PRIM2: variants seen among roughly 807,000 people sequenced by gnomAD.
PRIM2 encodes the protein DNA primase subunit 2.
Under a neutral mutation model 67.3 loss-of-function variants are expected in PRIM2, and 39 were observed. The ratio of observed to expected loss-of-function variants is 0.58; its 90% CI spans 0.45 to 0.76. The LOEUF is 0.76. Among genes scored for constraint, PRIM2 ranks in the 30% least tolerant of loss-of-function variants. PRIM2 has a pLI of 0.00. For missense variants in PRIM2, 398 were observed against 598.7 expected (o/e 0.66, Z 3.50); for synonymous variants, 143 against 198.7 (o/e 0.72, Z 2.36).
rs4715698 is a variant in PRIM2, at chr6:57,460,886, C to T, written c.694-46501C>T. ...TGAGCAATGTTCCAGCTTAACTGAA[C>T]GGTTCATAATATTGAGTGACTCTCT... On this transcript the variant is annotated intron_variant, in intron 7 of 13. Transcript: ENST00000615550. Among the ~76,000 whole-genome samples, 7 of 152,290 alleles carry T rather than the reference C, an allele frequency of 4.6e-5. No homozygotes were observed. The East Asian group carries it at 1.2e-3, about 25-fold the overall frequency.
chr6:57,414,980 G>A (rs2127366959), intron 7 of PRIM2, among the ~76,000 whole-genome samples: 1 of 152,290 alleles, frequency 6.6e-6, no homozygotes, highest in Admixed American at 6.5e-5. Context: ...TGTAGAATAT[G>A]TAAACAAATG....
chr6:57,580,615 T>A (rs1474882971), intron 10 of PRIM2, among the ~76,000 whole-genome samples: 7 of 152,196 alleles, frequency 4.6e-5, no homozygotes, highest in African/African-American at 1.7e-4. Context: ...TATCCCTGTG[T>A]CTTCAGCGAT....
chr6:57,534,184 G>C (rs1332729086), intron 9 of PRIM2, among the ~76,000 whole-genome samples: 1 of 152,110 alleles, frequency 6.6e-6, no homozygotes, highest in Non-Finnish European at 1.5e-5. Flanking sequence ...TTCATATATA[G>C]GTATGCGGTG....
Position 57,463,101 on chromosome 6 carries a change from C to T in PRIM2, c.694-44286C>T, listed in dbSNP as rs62400160. Among the ~76,000 whole-genome samples, 422 of 152,232 alleles carry T rather than the reference C, an allele frequency of 2.8e-3. 1 individual carries two copies. The highest frequency in any genetic ancestry group is 5.6e-3 in the Admixed American group (85 of 15,296). Reference sequence around the variant, plus strand: ...TAAATAAATGGGATCTTCTAAGTGGCAGAGGGGTGGTGGGAAAAGCACTGG... The same window carrying T: ...TAAATAAATGGGATCTTCTAAGTGGTAGAGGGGTGGTGGGAAAAGCACTGG... On this transcript the variant is annotated intron_variant, in intron 7 of 13. Coordinates refer to ENST00000615550, the MANE Select transcript of PRIM2 (RefSeq NM_000947.5).
intron 5 of PRIM2, among the ~76,000 whole-genome samples, chr6:57,330,913 T>A (rs1768035793): frequency 6.6e-6 from 1 of 152,092 alleles, no homozygotes; most frequent in Admixed American, 6.5e-5. Flanking sequence ...CCGGGCGCGG[T>A]GGCTCACACC....
upstream of PRIM2, among the ~76,000 whole-genome samples, chr6:57,316,356 G>T (rs112479850): frequency 0.013 from 2,015 of 152,244 alleles, 41 homozygotes; most frequent in African/African-American, 0.046. Flanking sequence ...AGGTTGCAGT[G>T]AGCCAAGATC....
the PRIM2 span, among the ~76,000 whole-genome samples, chr6:57,255,503 A>G: frequency 6.6e-6 from 1 of 151,972 alleles, no homozygotes; most frequent in Admixed American, 6.6e-5. Context: ...ATCTCAAAAA[A>G]AAAAAAAAAA....
At chr6:57,519,310 G>T (rs1396550966) in intron 8 of PRIM2, among the ~76,000 whole-genome samples, 29 of 152,316 alleles carry the variant, frequency 1.9e-4, no homozygotes, top group African/African-American at 7.0e-4. Context: ...TATTAGGCAG[G>T]AATTTCCTCT....
At chr6:57,348,510 T>C (rs1304005748) in intron 5 of PRIM2, among the ~76,000 whole-genome samples, 1 of 152,148 alleles carries the variant, frequency 6.6e-6, no homozygotes, top group Admixed American at 6.6e-5. Flanking sequence ...AAGCCTACTG[T>C]TTCAAACTGA....
At chr6:57,565,774 C>A (rs1775724349) in intron 10 of PRIM2, among the ~76,000 whole-genome samples, 1 of 152,094 alleles carries the variant, frequency 6.6e-6, no homozygotes. Context: ...ATCACAGATA[C>A]CTATACACAG....
chr6:57,339,649 C>T (rs1768398684), intron 5 of PRIM2, among the ~76,000 whole-genome samples: 1 of 152,180 alleles, frequency 6.6e-6, no homozygotes, highest in South Asian at 2.1e-4. Flanking sequence ...AACTGGCTAG[C>T]CATATGCAGA....
At chr6:57,548,323 T>C (rs1282763892) in intron 10 of PRIM2, among the ~76,000 whole-genome samples, 2 of 151,700 alleles carry the variant, frequency 1.3e-5, no homozygotes, top group Non-Finnish European at 1.5e-5. Context: ...TACAAGAAAA[T>C]GGAGGCGATG....
chr6:57,369,440 ATG>A (rs1457213044), intron 5 of PRIM2, among the ~76,000 whole-genome samples: 1 of 152,238 alleles, frequency 6.6e-6, no homozygotes, highest in Non-Finnish European at 1.5e-5. Context: ...CCGTTATACC[ATG>A]TGCTACCATT....
chr6:57,611,056 C>T (rs1391303207), intron 12 of PRIM2, among the ~76,000 whole-genome samples: 2 of 152,132 alleles, frequency 1.3e-5, no homozygotes, highest in African/African-American at 4.8e-5. Context: ...TTTTTCTATT[C>T]TCAAAGTGAT....
chr6:57,595,190 G>T (rs1776344477), intron 10 of PRIM2, among the ~76,000 whole-genome samples: 1 of 152,118 alleles, frequency 6.6e-6, no homozygotes, highest in South Asian at 2.1e-4. Context: ...GAAAATGTTT[G>T]GCAGCAATTC....
intron 10 of PRIM2, among the ~76,000 whole-genome samples, chr6:57,576,143 C>T (rs1219828823): frequency 6.6e-6 from 1 of 151,758 alleles, no homozygotes; most frequent in Non-Finnish European, 1.5e-5. Flanking sequence ...AACATGTTCC[C>T]AACATGTTGG....
At chr6:57,370,693 C>CT (rs66953171) in intron 5 of PRIM2, among the ~76,000 whole-genome samples, 47,206 of 121,984 alleles carry the variant, frequency 0.39, 10,555 homozygotes, top group South Asian at 0.54. Flanking sequence ...CTATCTATAG[C>CT]TTTTTTTTTT....
chr6:57,334,148 G>A (rs573166825), intron 5 of PRIM2, among the ~76,000 whole-genome samples: 1 of 152,240 alleles, frequency 6.6e-6, no homozygotes, highest in South Asian at 2.1e-4. Context: ...ACATATGAGT[G>A]AGATCATGAC....
At chr6:57,304,561 C>T in the PRIM2 span, among the ~76,000 whole-genome samples, 1 of 152,192 alleles carries the variant, frequency 6.6e-6, no homozygotes, top group African/African-American at 2.4e-5. Context: ...CTGGGGAAGA[C>T]TGACCTTGGT....
Sources: gnomAD v4.1 joint callset for allele counts (sites outside exome capture counted in the v4.1 genomes callset) on GRCh38, gnomAD v4.1.1 for gene constraint, MANE v1.5 for transcripts, NCBI Gene and HGNC (gene_info 2026-07-23, HGNC 2026-07-21) for gene names.